NDRG2: variants seen among roughly 807,000 people sequenced by gnomAD.
NDRG2 encodes the protein protein NDRG2.
In NDRG2, 34 loss-of-function variants were observed where a neutral mutation model predicts 58.2. The observed-to-expected ratio is 0.58, with a 90% CI of 0.44 to 0.78. NDRG2 has a LOEUF of 0.78. NDRG2 is among the 30% of genes least tolerant of loss of function. The pLI, the probability that NDRG2 is intolerant of heterozygous loss-of-function variation, is 0.00. For synonymous variants in NDRG2, 187 were observed against 175.9 expected (o/e 1.06, Z -0.50); for missense variants, 434 against 471.2 (o/e 0.92, Z 0.73).
intron 1 of NDRG2, chr14:21,042,962 C>T: frequency 6.3e-7 from 1 of 1,585,828 alleles, no homozygotes. Flanking sequence ...GCGACCCCTG[C>T]CCTCCATCCT....
At chr14:21,022,333 C>T in intron 4 of NDRG2, 59 bp downstream of exon 4, 1 of 1,581,946 alleles carries the variant, frequency 6.3e-7, no homozygotes, top group East Asian at 2.2e-5. Flanking sequence ...GGTTTCATTT[C>T]TACCCTTCCC....
In NDRG2 at chr14:21,016,802, A is replaced by C; in HGVS notation, c.*794T>G. ...TTCCTCTACAGTTTATTGTTATAGC[A>C]GAAGTTGTGGGAGACGGGAGGGCAC... is the stretch of plus-strand genomic sequence containing the variant. On this transcript the variant is annotated 3_prime_UTR_variant, in exon 16 of 16. Coordinates refer to ENST00000556147, the MANE Select transcript of NDRG2 (RefSeq NM_001320329.2). 1 of 451,504 alleles carries C rather than the reference A, an allele frequency of 2.2e-6. No individual in the cohort carries two copies. The highest frequency in any genetic ancestry group is 1.6e-5 in the South Asian group (1 of 64,358). 28.0% of individuals were successfully genotyped at this position (451,504 alleles called of 1,614,324 possible). A position where few individuals can be genotyped will look rare whatever the true frequency, so the allele number is the denominator to read the frequency against.
chr14:21,067,595 C>T (rs1214796481), intron 1 of NDRG2, among the ~76,000 whole-genome samples: 1 of 152,018 alleles, frequency 6.6e-6, no homozygotes, highest in Non-Finnish European at 1.5e-5. Context: ...TTTGAGAAGC[C>T]CCAAAGAGTC....
intron 1 of NDRG2, chr14:21,058,437 T>C: frequency 9.6e-7 from 1 of 1,038,658 alleles, no homozygotes; most frequent in South Asian, 1.5e-5. Context: ...TTATTAATCC[T>C]TGCTCCCCAC....
At chr14:21,051,295 T>C (rs531794708) in intron 1 of NDRG2, among the ~76,000 whole-genome samples, 1 of 152,090 alleles carries the variant, frequency 6.6e-6, no homozygotes, top group South Asian at 2.1e-4. Flanking sequence ...AATGAGAAAA[T>C]AGACATAGAG....
At chr14:21,046,575 A>G (rs1885170647) in intron 1 of NDRG2, among the ~76,000 whole-genome samples, 1 of 151,944 alleles carries the variant, frequency 6.6e-6, no homozygotes, top group African/African-American at 2.4e-5. Flanking sequence ...ACATACATAC[A>G]TACATACATA....
In NDRG2 at chr14:21,024,170, C is replaced by A; in HGVS notation, c.-147G>T. 1 of 985,406 alleles carries A rather than the reference C, an allele frequency of 1.0e-6. No individual in the cohort carries two copies. 61.0% of individuals were successfully genotyped at this position (985,406 alleles called of 1,614,324 possible). A position where few individuals can be genotyped will look rare whatever the true frequency, so the allele number is the denominator to read the frequency against. ...GTCTTTCAGGGACGGAAAGCCTCAGCCAAGACCCAGACTCCCAGGGTCATC... is the reference window on the plus strand; with the variant it reads ...GTCTTTCAGGGACGGAAAGCCTCAGACAAGACCCAGACTCCCAGGGTCATC... On this transcript the variant is annotated 5_prime_UTR_variant, in exon 1 of 16. Transcript: ENST00000556147.
At chr14:21,028,706 G>A (rs1031671386), upstream of NDRG2, among the ~76,000 whole-genome samples, 10 of 152,078 alleles carry the variant, frequency 6.6e-5, no homozygotes, top group South Asian at 2.1e-4. Flanking sequence ...ATGGGGAGGA[G>A]GTAATAGAGA....
chr14:21,024,139 C>A lies in NDRG2; in HGVS notation c.-116G>T. 6.1e-6 allele frequency: 6 copies of A among 985,442 alleles called. No individual in the cohort carries two copies. Among genetic ancestry groups the A allele is most frequent in the Non-Finnish European group, 6.0e-6 (5 of 829,968 alleles). 61.0% of individuals were successfully genotyped at this position (985,442 alleles called of 1,614,324 possible). A position where few individuals can be genotyped will look rare whatever the true frequency, so the allele number is the denominator to read the frequency against. The stretch of plus-strand genomic sequence containing the variant: ...CGAGGTGAATGACATGGGAGACAGA[C>A]CTGGGGTCTTTCAGGGACGGAAAGC... On this transcript the variant is annotated 5_prime_UTR_variant, in exon 1 of 16. Transcript: ENST00000556147.
Position 21,024,301 on chromosome 14 carries a change from C to T in NDRG2, c.-278G>A. Reference sequence around the variant, plus strand: ...GAATCAATATAGGCTACAAGGGCATCAGTTCAGGCTGCGCGGAGGAGAGAA... The same window carrying T: ...GAATCAATATAGGCTACAAGGGCATTAGTTCAGGCTGCGCGGAGGAGAGAA... On this transcript the variant is annotated 5_prime_UTR_variant, in exon 1 of 16. Transcript: ENST00000556147. The T allele has an allele frequency of 1.0e-6, 1 of 985,474 alleles. No homozygotes were observed. Among genetic ancestry groups the T allele is most frequent in the Non-Finnish European group, 1.2e-6 (1 of 830,002 alleles). 61.0% of individuals were successfully genotyped at this position (985,474 alleles called of 1,614,324 possible). A position where few individuals can be genotyped will look rare whatever the true frequency, so the allele number is the denominator to read the frequency against.
chr14:21,052,960 T>C (rs2139139251), intron 1 of NDRG2, among the ~76,000 whole-genome samples: 1 of 152,272 alleles, frequency 6.6e-6, no homozygotes, highest in East Asian at 1.9e-4. Context: ...ATGCTAAGTA[T>C]TCAGTCTGTT....
rs969899618 is a variant in NDRG2 at position 21,021,838 on chromosome 14, G to T, written c.386C>A (p.Pro129His). 2 of 1,613,312 alleles carry T rather than the reference G, an allele frequency of 1.2e-6. No homozygotes were observed. The highest frequency in any genetic ancestry group is 1.7e-6 in the Non-Finnish European group (2 of 1,179,638). The change falls in exon 6 of 16, where the codon CCT becomes CAT. Residue 129 changes from proline to histidine, a missense_variant. Pro to His is a moderately conservative substitution (Grantham distance 77). Coordinates refer to ENST00000556147, the MANE Select transcript of NDRG2 (RefSeq NM_001320329.2). ...PSLDQLADMI[P>H]CVLQYLNFST... ...TCACTTTAGGTACTGCAGGACGCAA[G>T]GGATCATGTCTGCAAGCTGGTCCAG...
intron 10 of NDRG2, 149 bp from the exon 11 acceptor site, chr14:21,019,309 A>G: frequency 1.3e-6 from 1 of 760,374 alleles, no homozygotes; most frequent in Non-Finnish European, 2.1e-6. Flanking sequence ...AGAAAGGGGC[A>G]GGCAGGCCCC....
intron 1 of NDRG2, chr14:21,034,619 G>C: frequency 3.7e-6 from 1 of 270,310 alleles, no homozygotes; most frequent in Non-Finnish European, 7.0e-6. Flanking sequence ...ACTCCTGCTA[G>C]TAAAAAATGC....
chr14:21,057,797 G>A (rs1594516099), intron 1 of NDRG2: 1 of 1,043,546 alleles, frequency 9.6e-7, no homozygotes, highest in African/African-American at 1.6e-5. Flanking sequence ...ACTGGCTTAG[G>A]GTATGAAATT....
At chr14:21,046,443 C>G (rs1375332319) in intron 1 of NDRG2, among the ~76,000 whole-genome samples, 1 of 150,106 alleles carries the variant, frequency 6.7e-6, no homozygotes, top group African/African-American at 2.5e-5. Context: ...ATCTCTTGAG[C>G]CCAGAAGGTT....
upstream of NDRG2, chr14:21,025,861 GCGGGGGAGGGGCC>G: frequency 3.3e-6 from 1 of 307,148 alleles, no homozygotes; most frequent in Non-Finnish European, 4.8e-6. This position sits in a 1 kb window ranked among gnomAD's most constrained non-coding sequence, Gnocchi z 5.1. Context: ...CTCAAGGGGC[GCGGGGGAGGGGCC>G]GGGGACCCCC....
chr14:21,035,028 C>A (rs988737314), intron 1 of NDRG2, among the ~76,000 whole-genome samples: 5 of 152,226 alleles, frequency 3.3e-5, no homozygotes, highest in African/African-American at 1.2e-4. Context: ...TTCTGAGGAA[C>A]AAAGTGCTTC....
chr14:21,039,481 G>A (rs577187023), intron 1 of NDRG2, among the ~76,000 whole-genome samples: 1 of 152,286 alleles, frequency 6.6e-6, no homozygotes, highest in South Asian at 2.1e-4. Flanking sequence ...TCCTGAACCA[G>A]TCCCTGGCCT....
Sources: allele counts gnomAD v4.1 joint callset (sites outside exome capture counted in the v4.1 genomes callset), GRCh38; gene constraint gnomAD v4.1.1; non-coding constraint Gnocchi (gnomAD v3.1); transcripts MANE v1.5; gene names NCBI Gene and HGNC (gene_info 2026-07-23, HGNC 2026-07-21).